Variants in METTL15 observed in about 807,000 individuals in gnomAD.
METTL15 encodes 12S rRNA N(4)-cytidine methyltransferase METTL15.
A neutral mutation model predicts 38.3 loss-of-function variants in METTL15; 34 were observed. That is an observed-to-expected ratio of 0.89 (90% CI 0.68 to 1.18). METTL15 has a LOEUF of 1.18. Among genes scored for constraint, METTL15 ranks in the 50% most tolerant of loss-of-function variants. METTL15 has a pLI of 0.00. For synonymous variants in METTL15, 162 were observed against 170.9 expected (o/e 0.95, Z 0.41); for missense variants, 438 against 498.4 (o/e 0.88, Z 1.15).
intron 6 of METTL15, among the ~76,000 whole-genome samples, chr11:28,487,861 G>GATTCCA (rs1481656622): frequency 1.3e-5 from 2 of 152,144 alleles, no homozygotes; most frequent in Non-Finnish European, 2.9e-5. Context: ...CTATAGTTTG[G>GATTCCA]AAGTAAGAAG....
chr11:28,327,065 G>A (rs1849660447), intron 6 of METTL15, among the ~76,000 whole-genome samples: 1 of 152,158 alleles, frequency 6.6e-6, no homozygotes, highest in Non-Finnish European at 1.5e-5. Context: ...AGCCCTGGAA[G>A]TTTAACCTAT....
intron 6 of METTL15, among the ~76,000 whole-genome samples, chr11:28,298,326 A>AT (rs963033489): frequency 1.3e-5 from 2 of 151,996 alleles, no homozygotes; most frequent in Admixed American, 1.3e-4. Flanking sequence ...GAGAAGTGAT[A>AT]TTTTTTTATT....
chr11:28,464,819 A>G (rs1443005332), intron 6 of METTL15, among the ~76,000 whole-genome samples: 2 of 152,144 alleles, frequency 1.3e-5, no homozygotes, highest in African/African-American at 2.4e-5. Context: ...ACTCCAATCT[A>G]CTTGGCTCAG....
At position 28,292,649 on chromosome 11, in the gene METTL15, G is replaced by A. The variant is rs915321147; in HGVS notation, c.599+2252G>A. ...GAATCGCCACACTGACTTCTAAAAT[G>A]GTTGAACTAGTTTACAGTCCCACCA... On this transcript the variant is annotated intron_variant, in intron 5 of 6. Coordinates refer to ENST00000407364, the MANE Select transcript of METTL15 (RefSeq NM_001113528.2). 1.8e-4 allele frequency among the ~76,000 whole-genome samples: 27 copies of A among 152,236 alleles called. 1 individual carries two copies. Among genetic ancestry groups the A allele is most frequent in the Middle Eastern group, 6.8e-3 (2 of 294 alleles).
At chr11:28,239,094 G>A (rs181285960) in intron 4 of METTL15, among the ~76,000 whole-genome samples, 1 of 150,872 alleles carries the variant, frequency 6.6e-6, no homozygotes. Context: ...CAATAATCTT[G>A]CCTTGTTTCA....
intron 6 of METTL15, among the ~76,000 whole-genome samples, chr11:28,503,059 C>T (rs942587082): frequency 6.6e-6 from 1 of 152,180 alleles, no homozygotes; most frequent in African/African-American, 2.4e-5. Flanking sequence ...CAGCTGGGGG[C>T]TCTCCTCCAC....
chr11:28,337,579 G>C (rs1342160283), downstream of METTL15, among the ~76,000 whole-genome samples: 1 of 152,084 alleles, frequency 6.6e-6, no homozygotes, highest in Non-Finnish European at 1.5e-5. Context: ...GTCTACAGTA[G>C]TGTGTAGTAA....
intron 4 of METTL15, among the ~76,000 whole-genome samples, chr11:28,275,040 C>T (rs1200176164): frequency 2.0e-5 from 3 of 151,244 alleles, no homozygotes; most frequent in African/African-American, 7.3e-5. Flanking sequence ...AACTGACAAT[C>T]TAGTAATGCA....
intron 3 of METTL15, among the ~76,000 whole-genome samples, chr11:28,121,213 C>T (rs954788387): frequency 6.6e-6 from 1 of 151,990 alleles, no homozygotes; most frequent in African/African-American, 2.4e-5. Context: ...TGATTGGAAA[C>T]TTATTAAGAA....
chr11:28,462,551 G>A lies in METTL15; in HGVS notation c.*424+38187G>A, dbSNP rs538135730. 2.0e-5 allele frequency among the ~76,000 whole-genome samples: 3 copies of A among 151,316 alleles called. No homozygotes were observed. The South Asian group carries it at 6.2e-4, about 31-fold the overall frequency. On this transcript the variant is annotated intron_variant and NMD_transcript_variant, in intron 6 of 7. Transcript: ENST00000532947. The stretch of plus-strand genomic sequence containing the variant: ...TATTGTAAGAACTTGGTGCTACTCA[G>A]AATTATAGGAAATACTGAAGAGCCA...
intron 1 of METTL15, among the ~76,000 whole-genome samples, chr11:28,109,247 A>G (rs1446876582): frequency 6.6e-6 from 1 of 152,218 alleles, no homozygotes; most frequent in Admixed American, 6.5e-5. Context: ...TCTGATCACT[A>G]GACAGAGGAT....
At chr11:28,236,101 G>C (rs1038259154) in intron 4 of METTL15, among the ~76,000 whole-genome samples, 1 of 152,064 alleles carries the variant, frequency 6.6e-6, no homozygotes, top group African/African-American at 2.4e-5. Context: ...GTATATGCTG[G>C]ATTACATTTA....
chr11:28,385,534 G>A (rs1850430758), intron 5 of METTL15, among the ~76,000 whole-genome samples: 1 of 151,960 alleles, frequency 6.6e-6, no homozygotes, highest in Admixed American at 6.6e-5. Context: ...ATGCTGTTTT[G>A]GTTACTATAG....
chr11:28,151,578 C>G (rs11030227), intron 3 of METTL15, among the ~76,000 whole-genome samples: 69,985 of 151,844 alleles, frequency 0.46, 17,763 homozygotes, highest in Admixed American at 0.56. Context: ...TTGCTTCTGT[C>G]CATTCTTTCT....
At chr11:28,376,169 G>T (rs1055816505) in intron 5 of METTL15, among the ~76,000 whole-genome samples, 4 of 151,862 alleles carry the variant, frequency 2.6e-5, no homozygotes, top group African/African-American at 4.8e-5. Context: ...GAGTTCTGTA[G>T]ATGTCTATTA....
At chr11:28,286,851 C>T (rs1856282952) in intron 4 of METTL15, among the ~76,000 whole-genome samples, 1 of 151,536 alleles carries the variant, frequency 6.6e-6, no homozygotes, top group Non-Finnish European at 1.5e-5. Flanking sequence ...CAGGATTCTC[C>T]AGAGAAACAG....
intron 4 of METTL15, among the ~76,000 whole-genome samples, chr11:28,238,167 G>T (rs1199556360): frequency 6.6e-6 from 1 of 152,182 alleles, no homozygotes; most frequent in Non-Finnish European, 1.5e-5. Flanking sequence ...ATCTGCAGAG[G>T]TTACTGCTGT....
chr11:28,465,977 A>G (rs1851253461), intron 6 of METTL15, among the ~76,000 whole-genome samples: 1 of 152,216 alleles, frequency 6.6e-6, no homozygotes, highest in Non-Finnish European at 1.5e-5. Flanking sequence ...TGGTAGGTAT[A>G]TGTTAATTCT....
intron 6 of METTL15, among the ~76,000 whole-genome samples, chr11:28,526,254 G>T (rs927496004): frequency 1.3e-5 from 2 of 152,204 alleles, no homozygotes; most frequent in African/African-American, 2.4e-5. Flanking sequence ...TGGGCTGAAG[G>T]GCTCCCCGAG....
Sources: gnomAD v4.1 joint callset for allele counts (sites outside exome capture counted in the v4.1 genomes callset) on GRCh38, gnomAD v4.1.1 for gene constraint, MANE v1.5 for transcripts, NCBI Gene and HGNC (gene_info 2026-07-23, HGNC 2026-07-21) for gene names.